RASGRP3: variants seen among roughly 807,000 people sequenced by gnomAD.
RASGRP3 encodes ras guanyl-releasing protein 3.
RASGRP3 carries 54 observed loss-of-function variants against 82.7 expected under a neutral mutation model. The ratio of observed to expected loss-of-function variants is 0.65; its 90% CI spans 0.52 to 0.82. The LOEUF (loss-of-function observed/expected upper bound fraction) is 0.82, where lower values mean the gene tolerates loss of function less well. Ranked by LOEUF, RASGRP3 falls within the 40% of genes least tolerant of loss-of-function variation. The pLI is 0.00. For synonymous variants in RASGRP3, 309 were observed against 300.5 expected (o/e 1.03, Z -0.29); for missense variants, 861 against 828.9 (o/e 1.04, Z -0.48).
rs542367895 is a variant in RASGRP3, at chr2:33,501,875, G to A, written c.-260-9835G>A. On this transcript the variant is annotated intron_variant, in intron 1 of 17. Transcript: ENST00000403687. ...AAACCAACCAAAAGGAGAATTTAAG[G>A]GAGGGTGTGGTCAAGAAGTACTACA... Among the ~76,000 whole-genome samples the A allele has an allele frequency of 9.2e-5, 14 of 152,304 alleles. No homozygotes were observed. In the East Asian group the frequency reaches 2.5e-3, roughly 27 times the overall value.
intron 1 of RASGRP3, among the ~76,000 whole-genome samples, chr2:33,443,199 A>C (rs968806257): frequency 2.0e-5 from 3 of 152,146 alleles, no homozygotes; most frequent in African/African-American, 7.2e-5. Context: ...AATTGTCCCT[A>C]GTCTTCATTT....
At chr2:33,476,961 A>G (rs1217198174) in intron 1 of RASGRP3, among the ~76,000 whole-genome samples, 1 of 152,150 alleles carries the variant, frequency 6.6e-6, no homozygotes, top group African/African-American at 2.4e-5. Context: ...TGAATGGGGC[A>G]TATGGCTTCA....
intron 17 of RASGRP3, among the ~76,000 whole-genome samples, chr2:33,562,231 A>G (rs918445428): frequency 1.3e-5 from 2 of 150,096 alleles, no homozygotes; most frequent in African/African-American, 4.9e-5. Context: ...AGTCTTTAAG[A>G]GTTCATATGC....
intron 4 of RASGRP3, among the ~76,000 whole-genome samples, chr2:33,519,736 C>T (rs1283364314): frequency 6.6e-6 from 1 of 152,120 alleles, no homozygotes; most frequent in Non-Finnish European, 1.5e-5. Flanking sequence ...TAAGTGGCTT[C>T]TTCTTCAGAC....
intron 1 of RASGRP3, among the ~76,000 whole-genome samples, chr2:33,480,042 A>AATT (rs757915569): frequency 7.6e-6 from 1 of 131,896 alleles, no homozygotes; most frequent in African/African-American, 2.9e-5. Flanking sequence ...TGAAAGAGGA[A>AATT]TTTTTTTTTT....
At chr2:33,504,734 T>C (rs1052493056) in intron 1 of RASGRP3, among the ~76,000 whole-genome samples, 2 of 152,232 alleles carry the variant, frequency 1.3e-5, no homozygotes, top group Non-Finnish European at 2.9e-5. Context: ...TTTTAGAGGC[T>C]TTCCATGCAA....
intron 9 of RASGRP3, among the ~76,000 whole-genome samples, 184 bp downstream of exon 9, chr2:33,524,732 G>A (rs1461974878): frequency 6.6e-6 from 1 of 152,138 alleles, no homozygotes. Flanking sequence ...TGGAAAAACA[G>A]GTTGGAGGTG....
At chr2:33,540,554 T>TGGTG (rs1553360485) in intron 12 of RASGRP3, among the ~76,000 whole-genome samples, 1 of 26,192 alleles carries the variant, frequency 3.8e-5, no homozygotes, top group African/African-American at 7.9e-5. Flanking sequence ...TGTGTGTGTG[T>TGGTG]TTTGTGTGTG....
chr2:33,447,844 A>G (rs1370757261), exon 2 of RASGRP3: 1 of 152,132 alleles, frequency 6.6e-6, no homozygotes, highest in East Asian at 1.9e-4. Context: ...AAACATCCAT[A>G]TCTCTTCTTT....
chr2:33,515,336 C>G, intron 3 of RASGRP3, 130 bp downstream of exon 3: 1 of 871,200 alleles, frequency 1.1e-6, no homozygotes, highest in East Asian at 2.5e-5. Flanking sequence ...TTCGGATGGA[C>G]CCGGGTCTGT....
chr2:33,563,246 T>G lies in RASGRP3; in HGVS notation c.*509T>G, dbSNP rs1410138812. On this transcript the variant is annotated 3_prime_UTR_variant, in exon 18 of 18. Coordinates refer to ENST00000403687, the MANE Select transcript of RASGRP3 (RefSeq NM_001139488.2). ...GTTTTGTTCTTCTTGGTGTGCTTTTTGGATGGGACCAGAACTTAACATTTT... is the reference window on the plus strand; with the variant it reads ...GTTTTGTTCTTCTTGGTGTGCTTTTGGGATGGGACCAGAACTTAACATTTT... 6.5e-6 allele frequency: 1 copy of G among 154,498 alleles called. No homozygotes were observed. The highest frequency in any genetic ancestry group is 1.4e-5 in the Non-Finnish European group (1 of 69,878). The allele number at this position is 154,498 out of a possible 1,614,324, so 9.6% of individuals were successfully genotyped here.
intron 15 of RASGRP3, 107 bp from the exon 16 acceptor site, chr2:33,558,104 C>A (rs1377251318): frequency 1.4e-6 from 2 of 1,425,294 alleles, no homozygotes; most frequent in Non-Finnish European, 1.9e-6. Flanking sequence ...AAATTCAACA[C>A]AGAAACTGGG....
At position 33,520,341 on chromosome 2, in the gene RASGRP3, G is replaced by C. The variant is rs79038952; in HGVS notation, c.237-212G>C. Among the ~76,000 whole-genome samples, 1,179 of 152,240 alleles carry C rather than the reference G, an allele frequency of 7.7e-3. 18 individuals are homozygous for C. Among genetic ancestry groups the C allele is most frequent in the African/African-American group, 0.027 (1,126 of 41,530 alleles). ...GGGTTTCCTCTCAACTGAAAGAGAG[G>C]CTATGAGTGGGAGCGGTTTTAGATT... On this transcript the variant is annotated intron_variant, in intron 5 of 17. Transcript: ENST00000403687.
At chr2:33,469,191 C>T (rs1051357014) in intron 2 of RASGRP3, among the ~76,000 whole-genome samples, 1 of 152,156 alleles carries the variant, frequency 6.6e-6, no homozygotes, top group South Asian at 2.1e-4. Flanking sequence ...ATTGTAAATG[C>T]TATTTATATG....
chr2:33,542,969 A>T (rs1002124116), intron 12 of RASGRP3, among the ~76,000 whole-genome samples: 4 of 152,182 alleles, frequency 2.6e-5, no homozygotes, highest in Non-Finnish European at 5.9e-5. Context: ...CTAGGATTGC[A>T]GGCATGAGCC....
chr2:33,502,244 C>A, intron 1 of RASGRP3, among the ~76,000 whole-genome samples: 1 of 151,966 alleles, frequency 6.6e-6, no homozygotes, highest in East Asian at 1.9e-4. Context: ...TAGACAGTTA[C>A]ACCAAGGAAC....
chr2:33,513,873 G>A (rs1671174683), intron 2 of RASGRP3: 1 of 152,176 alleles, frequency 6.6e-6, no homozygotes, highest in Non-Finnish European at 1.5e-5. Flanking sequence ...ATGTGGAGGA[G>A]TGATACCCTT....
chr2:33,534,513 T>G, intron 11 of RASGRP3, 113 bp downstream of exon 11: 2 of 768,968 alleles, frequency 2.6e-6, no homozygotes, highest in Non-Finnish European at 4.2e-6. Context: ...TTTTAAAAAT[T>G]GACATTATTC....
At chr2:33,547,475 A>G (rs1574479425) in intron 13 of RASGRP3, among the ~76,000 whole-genome samples, 1 of 145,788 alleles carries the variant, frequency 6.9e-6, no homozygotes, top group Non-Finnish European at 1.5e-5. Context: ...AGCCTGGGGG[A>G]AAATTGTGGC....
Sources: gnomAD v4.1 joint callset for allele counts (sites outside exome capture counted in the v4.1 genomes callset) on GRCh38, gnomAD v4.1.1 for gene constraint, MANE v1.5 for transcripts, NCBI Gene and HGNC (gene_info 2026-07-23, HGNC 2026-07-21) for gene names.